Variants in FBN1 observed in about 807,000 individuals in gnomAD.
The protein encoded by FBN1 is fibrillin 1.
Under a neutral mutation model 365.1 loss-of-function variants are expected in FBN1, and 29 were observed. The observed-to-expected ratio is 0.08, with a 90% confidence interval of 0.06 to 0.11. FBN1 has a LOEUF of 0.11. FBN1 is among the 10% of genes least tolerant of loss of function. The probability of loss-of-function intolerance (pLI) is 1.00; values close to 1 mark genes in which losing one functional copy is unlikely to be tolerated. For missense variants in FBN1, 2,476 were observed against 3,703.2 expected (o/e 0.67, Z 8.60); for synonymous variants, 1,210 against 1,270.5 (o/e 0.95, Z 1.01).
intron 46 of FBN1, among the ~76,000 whole-genome samples, chr15:48,448,203 A>G (rs979785328): frequency 1.3e-5 from 2 of 152,136 alleles, no homozygotes; most frequent in Non-Finnish European, 2.9e-5. Flanking sequence ...ACTTAATGGT[A>G]TTGCTTTAAA....
At chr15:48,454,232 T>C (rs1266266695) in intron 44 of FBN1, among the ~76,000 whole-genome samples, 3 of 152,226 alleles carry the variant, frequency 2.0e-5, no homozygotes, top group Non-Finnish European at 2.9e-5. Flanking sequence ...CAGGTGCTCC[T>C]GGTCTGTAGA....
intron 6 of FBN1, among the ~76,000 whole-genome samples, chr15:48,579,022 A>T (rs556218821): frequency 6.9e-5 from 10 of 144,190 alleles, no homozygotes; most frequent in East Asian, 2.1e-4. Context: ...AAATAAAAAT[A>T]AAAAAGGGGA....
In FBN1 at chr15:48,410,240, T is replaced by G. The variant is rs893172116; in HGVS notation, c.*750A>C. On this transcript the variant is annotated 3_prime_UTR_variant, in exon 66 of 66. Transcript: ENST00000316623. The stretch of plus-strand genomic sequence containing the variant: ...GTTTCCTGGTCCTCCCAGACCTCTA[T>G]GCACGTGTGGGCCAGTCACCGAAAT... 1 of 152,712 alleles carries G rather than the reference T, an allele frequency of 6.5e-6. No homozygotes were observed. Among genetic ancestry groups the G allele is most frequent in the Non-Finnish European group, 1.5e-5 (1 of 68,088 alleles). 9.5% of individuals were successfully genotyped at this position (152,712 alleles called of 1,614,324 possible).
At chr15:48,421,503 C>G (rs1258027757) in intron 62 of FBN1, 55 bp downstream of exon 62, 3 of 1,598,870 alleles carry the variant, frequency 1.9e-6, no homozygotes, top group South Asian at 2.3e-5. Context: ...AATAGCCACA[C>G]AGGCCACCTC....
chr15:48,644,549 G>A lies in FBN1; in HGVS notation c.164+57C>T, dbSNP rs866866782. The A allele has an allele frequency of 7.4e-6, 12 of 1,611,108 alleles. No homozygotes were observed. The African/African-American group carries it at 1.5e-4, about 20-fold the overall frequency. On this transcript the variant is annotated intron_variant, in intron 2 of 65. Transcript: ENST00000316623. ...CACAGGGAGAGTCATCCTGCCCGTT[G>A]TTCTGGATCTTGAAACTTGGGAGAC...
At chr15:48,445,052 T>C (rs920143041) in intron 48 of FBN1, among the ~76,000 whole-genome samples, 5 of 150,384 alleles carry the variant, frequency 3.3e-5, no homozygotes. Flanking sequence ...TTTAATAGTT[T>C]GAGTATTCTT....
chr15:48,524,253 G>T (rs1234355757), intron 9 of FBN1, among the ~76,000 whole-genome samples: 1 of 152,198 alleles, frequency 6.6e-6, no homozygotes, highest in African/African-American at 2.4e-5. Context: ...GGGGCTGGGA[G>T]GTCTGAGAGT....
Position 48,628,860 on chromosome 15 carries a change from T to C in FBN1, c.164+15746A>G, listed in dbSNP as rs79098029. 0.015 allele frequency among the ~76,000 whole-genome samples: 2,329 copies of C among 152,252 alleles called. 204 individuals are homozygous for C. The East Asian group carries it at 0.24, about 15-fold the overall frequency. On this transcript the variant is annotated intron_variant, in intron 2 of 65. Coordinates refer to ENST00000316623, the MANE Select transcript of FBN1 (RefSeq NM_000138.5). ...ACACAAAAAGAGAGACTAGTAGTAA[T>C]GATGTCCCTCCTAATGGAAGGACAC...
rs772864076 is a variant in FBN1 at position 48,520,687 on chromosome 15, G to A, written c.1119C>T (p.Ala373=). The A allele has an allele frequency of 6.2e-7, 1 of 1,613,990 alleles. No homozygotes were observed. The highest frequency in any genetic ancestry group is 1.3e-5 in the African/African-American group (1 of 74,904). ...TTGCTCTGATGGGACACATCTCAGG[G>A]GCGACAGTGACCCCTGGAGACCAGC... ...GRCWSPGVTV[A]PEMCPIRATE... is the part of the protein sequence containing the mutation. The change falls in exon 10 of 66, where the codon GCC becomes GCT. Residue 373 remains alanine, a synonymous_variant. Coordinates refer to ENST00000316623, the MANE Select transcript of FBN1 (RefSeq NM_000138.5).
chr15:48,427,600 G>C lies in FBN1; in HGVS notation c.7171C>G (p.Pro2391Ala). 1 of 1,614,162 alleles carries C rather than the reference G, an allele frequency of 6.2e-7. No individual in the cohort carries two copies. The highest frequency in any genetic ancestry group is 8.5e-7 in the Non-Finnish European group (1 of 1,180,008). The change falls in exon 58 of 66, where the codon CCC becomes GCC. Residue 2391 changes from proline to alanine, a missense_variant. Around this residue, in one of 5 missense-constraint regions of FBN1, gnomAD observed 1,780 missense variants for 2,840.8 expected, o/e 0.63. Coordinates refer to ENST00000316623, the MANE Select transcript of FBN1 (RefSeq NM_000138.5). ...TTGGTCATGAATCCTCGGCCATGGGGACAGAGTTTCTTGAAAGCCACAGTC... is the reference window on the plus strand; with the variant it reads ...TTGGTCATGAATCCTCGGCCATGGGCACAGAGTTTCTTGAAAGCCACAGTC... ...QGTVAFKKLC[P>A]HGRGFMTNGA...
rs375751570 is a variant in FBN1, at chr15:48,489,830, A to G, written c.3082+21T>C. The G allele has an allele frequency of 5.4e-5, 87 of 1,602,352 alleles. 1 individual carries two copies. The African/African-American group carries it at 1.1e-3, about 20-fold the overall frequency. Reference sequence around the variant, plus strand: ...TGTCTAAAAAGGGAGGCAATTGGCCATGGAAAACGTAACATTGTACCTTTG... The same window carrying G: ...TGTCTAAAAAGGGAGGCAATTGGCCGTGGAAAACGTAACATTGTACCTTTG... On this transcript the variant is annotated intron_variant, in intron 25 of 65. Transcript: ENST00000316623.
At chr15:48,637,575 G>A (rs577365951) in intron 2 of FBN1, among the ~76,000 whole-genome samples, 11 of 152,226 alleles carry the variant, frequency 7.2e-5, no homozygotes, top group African/African-American at 2.6e-4. Context: ...CCTTTCCCTT[G>A]ATGTATTTTT....
chr15:48,425,223 G>A, intron 60 of FBN1, 146 bp downstream of exon 60: 1 of 1,055,452 alleles, frequency 9.5e-7, no homozygotes, highest in Non-Finnish European at 1.5e-6. Flanking sequence ...AGCACAGGAG[G>A]TAGGTCCCAT....
At chr15:48,491,373 C>T (rs1393652134) in intron 24 of FBN1, among the ~76,000 whole-genome samples, 2 of 149,492 alleles carry the variant, frequency 1.3e-5, no homozygotes, top group Non-Finnish European at 3.0e-5. Context: ...TTTTTAGAGA[C>T]GGAGTCTCAC....
intron 7 of FBN1, among the ~76,000 whole-genome samples, chr15:48,536,204 T>G (rs1458180834): frequency 6.6e-6 from 1 of 152,180 alleles, no homozygotes; most frequent in African/African-American, 2.4e-5. Flanking sequence ...ATTCAATGGG[T>G]TTTCAAAACT....
chr15:48,453,609 A>G (rs577263031), intron 44 of FBN1, among the ~76,000 whole-genome samples: 28 of 152,244 alleles, frequency 1.8e-4, no homozygotes, highest in Admixed American at 6.5e-4. Flanking sequence ...AACCCATAGA[A>G]TGTACAACAC....
Position 48,526,109 on chromosome 15 carries a change from GC to G in FBN1, c.988+20del, listed in dbSNP as rs751930873. The G allele has an allele frequency of 6.2e-7, 1 of 1,613,724 alleles. No individual in the cohort carries two copies. The highest frequency in any genetic ancestry group is 2.2e-5 in the East Asian group (1 of 44,870). On this transcript the variant is annotated intron_variant, in intron 9 of 65. Transcript: ENST00000316623. ...GAACTGACTTACACAAACCATGCAT[GC>G]TGTTTGTCATTAAACCTACCTATGC... is the stretch of plus-strand genomic sequence containing the variant.
At chr15:48,559,618 CCT>C (rs988303455) in intron 6 of FBN1, among the ~76,000 whole-genome samples, 1 of 152,082 alleles carries the variant, frequency 6.6e-6, no homozygotes, top group African/African-American at 2.4e-5. Flanking sequence ...TGTAAATTCC[CCT>C]CTCTTCCCAG....
At chr15:48,595,752 T>C (rs779465351) in intron 6 of FBN1, among the ~76,000 whole-genome samples, 79 of 151,934 alleles carry the variant, frequency 5.2e-4, no homozygotes, top group Non-Finnish European at 9.3e-4. Context: ...CAGGCTGCGA[T>C]GAGTACTGAA....
Sources: allele counts gnomAD v4.1 joint callset (sites outside exome capture counted in the v4.1 genomes callset), GRCh38; gene constraint gnomAD v4.1.1; regional missense constraint gnomAD v4.1.1; transcripts MANE v1.5; gene names NCBI Gene and HGNC (gene_info 2026-07-23, HGNC 2026-07-21).